The following PDGFRA variants were observed in gnomAD, a reference collection of about 807,000 sequenced individuals.
PDGFRA encodes the protein platelet-derived growth factor receptor alpha.
PDGFRA carries 25 observed loss-of-function variants against 121.5 expected under a neutral mutation model. That is an observed-to-expected ratio of 0.21 (90% CI 0.15 to 0.29). PDGFRA has a LOEUF of 0.29. PDGFRA is among the 10% of genes least tolerant of loss of function. PDGFRA has a pLI of 1.00. For synonymous variants in PDGFRA, 463 were observed against 494.8 expected (o/e 0.94, Z 0.85); for missense variants, 1,008 against 1,345.1 (o/e 0.75, Z 3.92).
chr4:54,289,119 G>A lies in PDGFRA; in HGVS notation c.2880+5G>A, dbSNP rs370128852. 2.0e-5 allele frequency: 30 copies of A among 1,495,884 alleles called. No homozygotes were observed. The African/African-American group carries it at 3.0e-4, about 15-fold the overall frequency. The allele number at this position is 1,495,884 out of a possible 1,614,324, so 92.7% of individuals were successfully genotyped here. ...CTGCCTGGACAATATAAAAAGGTGTGTTTGGATCTGTGGGTGGAAAGGTCT... is the reference window on the plus strand; with the variant it reads ...CTGCCTGGACAATATAAAAAGGTGTATTTGGATCTGTGGGTGGAAAGGTCT... On this transcript the variant is annotated splice_donor_5th_base_variant and intron_variant, in intron 21 of 22. Coordinates refer to ENST00000257290, the MANE Select transcript of PDGFRA (RefSeq NM_006206.6).
At chr4:54,250,414 T>C (rs745536933) in intron 1 of PDGFRA, among the ~76,000 whole-genome samples, 46 of 152,212 alleles carry the variant, frequency 3.0e-4, no homozygotes, top group Admixed American at 2.6e-4. Flanking sequence ...ATTTGGCTTA[T>C]TAGATATATT....
At chr4:54,272,715 A>T (rs1464996996) in intron 9 of PDGFRA, among the ~76,000 whole-genome samples, 195 bp downstream of exon 9, 1 of 152,200 alleles carries the variant, frequency 6.6e-6, no homozygotes, top group Non-Finnish European at 1.5e-5. Context: ...AAATGTCTCC[A>T]ATCTAAAAAC....
chr4:54,232,997 T>G (rs6850748), intron 1 of PDGFRA, among the ~76,000 whole-genome samples: 37,877 of 151,894 alleles, frequency 0.25, 5,070 homozygotes, highest in Admixed American at 0.33. Flanking sequence ...GCTGGCGAGC[T>G]CCTGTAACCC....
intron 1 of PDGFRA, among the ~76,000 whole-genome samples, chr4:54,239,415 AT>A (rs1721178070): frequency 6.6e-6 from 1 of 152,188 alleles, no homozygotes; most frequent in Non-Finnish European, 1.5e-5. Context: ...TTGCTCTTGA[AT>A]TCCTTCCTGC....
rs1724931271 is a variant in PDGFRA at position 54,297,480 on chromosome 4, C to T, written c.*2208C>T. On this transcript the variant is annotated 3_prime_UTR_variant, in exon 23 of 23. Coordinates refer to ENST00000257290, the MANE Select transcript of PDGFRA (RefSeq NM_006206.6). ...TACGTTTGTGTTTCTAGAATCACAG[C>T]TCAAGCATTCTGTTTATCGCTCACT... 1 of 233,700 alleles carries T rather than the reference C, an allele frequency of 4.3e-6. No homozygotes were observed. Among genetic ancestry groups the T allele is most frequent in the Non-Finnish European group, 8.5e-6 (1 of 118,052 alleles). 14.5% of individuals were successfully genotyped at this position (233,700 alleles called of 1,614,324 possible).
rs774121060 is a variant in PDGFRA, at chr4:54,264,915, A to G, written c.629-4A>G. 7 of 1,608,338 alleles carry G rather than the reference A, an allele frequency of 4.4e-6. No individual in the cohort carries two copies. Among genetic ancestry groups the G allele is most frequent in the Admixed American group, 3.3e-5 (2 of 59,714 alleles). ...TAGGCCCTTGTATTTGTTCTTTTTT[A>G]TAGCAACATCAGAGCTGGATCTAGA... On this transcript the variant is annotated splice_polypyrimidine_tract_variant and splice_region_variant and intron_variant, in intron 4 of 22. Coordinates refer to ENST00000257290, the MANE Select transcript of PDGFRA (RefSeq NM_006206.6).
In PDGFRA at chr4:54,297,370, TC is replaced by T. The variant is rs1322365385; in HGVS notation, c.*2099del. ...GCCCCAACTTTCTTATCCAACTTTT[TC>T]ATAGTAAGTGCGAAGACTGAGCCAG... On this transcript the variant is annotated 3_prime_UTR_variant, in exon 23 of 23. Coordinates refer to ENST00000257290, the MANE Select transcript of PDGFRA (RefSeq NM_006206.6). 2 of 233,756 alleles carry T rather than the reference TC, an allele frequency of 8.6e-6. No homozygotes were observed. Among genetic ancestry groups the T allele is most frequent in the East Asian group, 1.2e-4 (2 of 16,594 alleles). 14.5% of individuals were successfully genotyped at this position (233,756 alleles called of 1,614,324 possible). A position where few individuals can be genotyped will look rare whatever the true frequency, so the allele number is the denominator to read the frequency against.
chr4:54,232,981 G>A (rs1204860622), intron 1 of PDGFRA, among the ~76,000 whole-genome samples: 7 of 152,164 alleles, frequency 4.6e-5, no homozygotes, highest in Non-Finnish European at 2.9e-5. Flanking sequence ...CGTGCCCATA[G>A]GAGGCGCTGG....
rs138296072 is a variant in PDGFRA at position 54,267,587 on chromosome 4, C to G, written c.967C>G (p.Gln323Glu). ...CATTGAAATCAAACCCACCTTCAGC[C>G]AGTTGGAAGCTGTCAACCTGCATGA... ...GFIEIKPTFSQLEAVNLHEVK... is the reference protein window; with the variant it reads ...GFIEIKPTFSELEAVNLHEVK... The change falls in exon 7 of 23, where the codon CAG becomes GAG. Residue 323 changes from glutamine (Q) to glutamate (E), a missense_variant. Physicochemically the swap from Gln to Glu is conservative, Grantham distance 29. Around this residue, in one of 5 missense-constraint regions of PDGFRA, gnomAD observed 575 missense variants for 701.8 expected, o/e 0.82. Transcript: ENST00000257290. The G allele has an allele frequency of 6.1e-5, 98 of 1,614,046 alleles. No homozygotes were observed. Among genetic ancestry groups the G allele is most frequent in the South Asian group, 3.0e-4 (27 of 91,082 alleles).
At chr4:54,278,283 C>T (rs2110313916) in intron 14 of PDGFRA, 79 bp from the exon 15 acceptor site, 1 of 1,114,552 alleles carries the variant, frequency 9.0e-7, no homozygotes, top group Non-Finnish European at 1.3e-6. Context: ...TTTTCTGTGC[C>T]ATATGGTCTG....
intron 5 of PDGFRA, 112 bp from the exon 6 acceptor site, chr4:54,267,177 C>A: frequency 9.7e-7 from 1 of 1,033,922 alleles, no homozygotes; most frequent in Non-Finnish European, 1.5e-6. Context: ...TTTGTTATAA[C>A]TGCTGAACCT....
At chr4:54,278,244 A>C (rs1723855908) in intron 14 of PDGFRA, 118 bp from the exon 15 acceptor site, 13 of 536,452 alleles carry the variant, frequency 2.4e-5, no homozygotes, top group Admixed American at 3.9e-5. Flanking sequence ...AAAAAAAAAA[A>C]AAAAAAAAAC....
chr4:54,294,703 C>T (rs1724792805), intron 22 of PDGFRA, among the ~76,000 whole-genome samples: 1 of 152,106 alleles, frequency 6.6e-6, no homozygotes, highest in African/African-American at 2.4e-5. Flanking sequence ...GCAGGAGATC[C>T]TGAGAACACA....
chr4:54,287,560 T>C lies in PDGFRA; in HGVS notation c.2674+19T>C. On this transcript the variant is annotated intron_variant, in intron 19 of 22. Coordinates refer to ENST00000257290, the MANE Select transcript of PDGFRA (RefSeq NM_006206.6). ...TCCCTTGGTATGGGCCTGACATTGCTGCTTATTTGGGCTGTTCTGAAACAC... is the reference window on the plus strand; with the variant it reads ...TCCCTTGGTATGGGCCTGACATTGCCGCTTATTTGGGCTGTTCTGAAACAC... The C allele has an allele frequency of 2.1e-6, 2 of 954,882 alleles. No individual in the cohort carries two copies. The highest frequency in any genetic ancestry group is 3.5e-6 in the Non-Finnish European group (2 of 577,046). The allele number at this position is 954,882 out of a possible 1,614,324, so 59.2% of individuals were successfully genotyped here. A position where few individuals can be genotyped will look rare whatever the true frequency, so the allele number is the denominator to read the frequency against.
At chr4:54,271,144 G>C (rs1040195579) in intron 8 of PDGFRA, among the ~76,000 whole-genome samples, 2 of 152,174 alleles carry the variant, frequency 1.3e-5, no homozygotes, top group African/African-American at 4.8e-5. Context: ...TCTGAGAAGA[G>C]AGAAGCAGAT....
chr4:54,236,258 T>C (rs7678144), intron 1 of PDGFRA, among the ~76,000 whole-genome samples: 38,679 of 152,180 alleles, frequency 0.25, 5,311 homozygotes, highest in African/African-American at 0.34. Context: ...GAATTTGTAG[T>C]TTCAGTTACT....
At chr4:54,260,416 T>G (rs143448266) in intron 2 of PDGFRA, among the ~76,000 whole-genome samples, 74 of 139,780 alleles carry the variant, frequency 5.3e-4, no homozygotes, top group South Asian at 1.7e-3. Flanking sequence ...TTTTTTTTTT[T>G]TTTTTTTTTT....
chr4:54,244,017 G>T (rs1271398897), intron 1 of PDGFRA, among the ~76,000 whole-genome samples: 1 of 152,256 alleles, frequency 6.6e-6, no homozygotes, highest in Non-Finnish European at 1.5e-5. Context: ...TGGGGGAGGG[G>T]TGCCCACCAT....
intron 21 of PDGFRA, among the ~76,000 whole-genome samples, chr4:54,290,108 A>C (rs1007898851): frequency 2.0e-5 from 3 of 152,242 alleles, no homozygotes; most frequent in African/African-American, 4.8e-5. Flanking sequence ...ACCTAATGGC[A>C]GAAGCTCTTT....
Sources: allele counts gnomAD v4.1 joint callset (sites outside exome capture counted in the v4.1 genomes callset), GRCh38; gene constraint gnomAD v4.1.1; regional missense constraint gnomAD v4.1.1; transcripts MANE v1.5; gene names NCBI Gene and HGNC (gene_info 2026-07-23, HGNC 2026-07-21).